The following CFAP58 variants were observed in gnomAD, a reference collection of about 807,000 sequenced individuals.
CFAP58 encodes cilia and flagella associated protein 58, also known as cilia- and flagella-associated protein 58.
Under a neutral mutation model 119.5 loss-of-function variants are expected in CFAP58, and 88 were observed. The observed-to-expected ratio is 0.74, with a 90% confidence interval of 0.62 to 0.88. The LOEUF (loss-of-function observed/expected upper bound fraction) is 0.88, where lower values mean the gene tolerates loss of function less well. Among genes scored for constraint, CFAP58 ranks in the 40% least tolerant of loss-of-function variants. The pLI is 0.00. For missense variants in CFAP58, 990 were observed against 1,021.2 expected (o/e 0.97, Z 0.42); for synonymous variants, 365 against 366.3 (o/e 1.00, Z 0.04).
intron 15 of CFAP58, among the ~76,000 whole-genome samples, chr10:104,446,408 T>C (rs938981410): frequency 5.9e-5 from 9 of 152,256 alleles, no homozygotes; most frequent in African/African-American, 1.7e-4. Context: ...AATAGAGCTA[T>C]GTTTTTGTAA....
chr10:104,438,202 ACACACATTAT>A (rs2012965687), intron 15 of CFAP58, among the ~76,000 whole-genome samples: 1 of 152,190 alleles, frequency 6.6e-6, no homozygotes, highest in South Asian at 2.1e-4. Context: ...GCTTAAAACA[ACACACATTAT>A]CTCATAACTT....
intron 15 of CFAP58, among the ~76,000 whole-genome samples, chr10:104,442,951 C>G (rs2013062146): frequency 6.6e-6 from 1 of 152,210 alleles, no homozygotes; most frequent in South Asian, 2.1e-4. Flanking sequence ...ACAAATATAT[C>G]TGTACCTGTA....
intron 11 of CFAP58, among the ~76,000 whole-genome samples, chr10:104,397,751 C>T (rs1251393624): frequency 1.3e-5 from 2 of 152,184 alleles, no homozygotes; most frequent in Non-Finnish European, 2.9e-5. Flanking sequence ...AGAGCTCTTC[C>T]TCCACATTTG....
rs1223980890 is a variant in CFAP58 at position 104,403,874 on chromosome 10, A to T, written c.2151+34A>T. On this transcript the variant is annotated intron_variant, in intron 14 of 17. Coordinates refer to ENST00000369704, the MANE Select transcript of CFAP58 (RefSeq NM_001008723.2). ...TGGCAGCGTGTTCTCCCCATCCCCAAATCTCTCCTCCTATCCCACGCGAAG... is the reference window on the plus strand; with the variant it reads ...TGGCAGCGTGTTCTCCCCATCCCCATATCTCTCCTCCTATCCCACGCGAAG... The T allele has an allele frequency of 1.7e-5, 24 of 1,373,232 alleles. No homozygotes were observed. The Admixed American group carries it at 4.4e-4, about 25-fold the overall frequency. 85.1% of individuals were successfully genotyped at this position (1,373,232 alleles called of 1,614,324 possible).
chr10:104,396,821 C>A (rs2012172474), intron 11 of CFAP58, among the ~76,000 whole-genome samples: 1 of 152,206 alleles, frequency 6.6e-6, no homozygotes, highest in Non-Finnish European at 1.5e-5. Flanking sequence ...TTGTTGCCAT[C>A]CTTCCTGGGT....
intron 17 of CFAP58, among the ~76,000 whole-genome samples, chr10:104,452,591 G>A (rs867445854): frequency 1.3e-5 from 2 of 152,214 alleles, no homozygotes; most frequent in East Asian, 1.9e-4. Context: ...AGCCCTTCTT[G>A]ATGGGTCCAT....
Position 104,454,580 on chromosome 10 carries a change from G to T in CFAP58, c.*50G>T. ...TTGAACAACTCATGAAATCTGCTCT[G>T]GGACATTTTGGGGGAATCTCAAAGT... On this transcript the variant is annotated 3_prime_UTR_variant, in exon 18 of 18. Transcript: ENST00000369704. 1.5e-6 allele frequency: 2 copies of T among 1,333,224 alleles called. No individual in the cohort carries two copies. The highest frequency in any genetic ancestry group is 2.2e-6 in the Non-Finnish European group (2 of 926,806). The allele number at this position is 1,333,224 out of a possible 1,614,324, so 82.6% of individuals were successfully genotyped here. A position where few individuals can be genotyped will look rare whatever the true frequency, so the allele number is the denominator to read the frequency against.
At chr10:104,353,964 C>T (rs2135237491) in intron 1 of CFAP58, 58 bp downstream of exon 1, 4 of 1,591,194 alleles carry the variant, frequency 2.5e-6, no homozygotes, top group East Asian at 4.5e-5. Context: ...TTGTCCCTCT[C>T]CTACTGACGA....
intron 3 of CFAP58, among the ~76,000 whole-genome samples, chr10:104,362,502 C>T (rs2014683557): frequency 6.6e-6 from 1 of 152,166 alleles, no homozygotes; most frequent in Non-Finnish European, 1.5e-5. Flanking sequence ...GCTTCTCCCA[C>T]CTACTCCCCA....
At chr10:104,354,446 G>A (rs562479410) in intron 1 of CFAP58, among the ~76,000 whole-genome samples, 1 of 151,846 alleles carries the variant, frequency 6.6e-6, no homozygotes, top group East Asian at 1.9e-4. Context: ...TTAACATCTC[G>A]TATCACCCCA....
At chr10:104,358,233 A>G (rs17116960) in intron 1 of CFAP58, 108 bp from the exon 2 acceptor site, 1 of 1,143,832 alleles carries the variant, frequency 8.7e-7, no homozygotes, top group African/African-American at 1.6e-5. Flanking sequence ...AGTGGTTTTA[A>G]TTTTGCTCAT....
chr10:104,353,946 C>T (rs774389604), intron 1 of CFAP58, 40 bp downstream of exon 1: 5 of 1,609,870 alleles, frequency 3.1e-6, no homozygotes, highest in Non-Finnish European at 4.2e-6. Flanking sequence ...TCCCTTGACC[C>T]CTCCCCATTG....
the CFAP58 span, among the ~76,000 whole-genome samples, chr10:104,339,687 C>T: frequency 1.3e-5 from 2 of 152,230 alleles, no homozygotes; most frequent in Admixed American, 1.3e-4. Context: ...TAAAAATAGA[C>T]TCCCTGGCCC....
At chr10:104,347,289 C>T in the CFAP58 span, among the ~76,000 whole-genome samples, 38,316 of 151,854 alleles carry the variant, frequency 0.25, 5,117 homozygotes, top group Middle Eastern at 0.3. Flanking sequence ...TCAGGTGTCA[C>T]GAGGGGAGTT....
chr10:104,447,830 C>A lies in CFAP58; in HGVS notation c.2376+13C>A, dbSNP rs762876509. The A allele has an allele frequency of 2.5e-6, 4 of 1,599,848 alleles. No homozygotes were observed. The highest frequency in any genetic ancestry group is 3.4e-6 in the Non-Finnish European group (4 of 1,171,248). The stretch of plus-strand genomic sequence containing the variant: ...GCAGCAGCTGAAAGTAAGTGGTAGC[C>A]CCTGTTCCTTCCGGGTTCCAGGGCA... On this transcript the variant is annotated intron_variant, in intron 16 of 17. Transcript: ENST00000369704.
At position 104,376,852 on chromosome 10, in the gene CFAP58, G is replaced by GT; in HGVS notation, c.1132_1133insT (p.Ala378ValfsTer14). 1 of 1,613,646 alleles carries GT rather than the reference G, an allele frequency of 6.2e-7. No individual in the cohort carries two copies. The highest frequency in any genetic ancestry group is 8.5e-7 in the Non-Finnish European group (1 of 1,179,812). On this transcript the variant is annotated frameshift_variant, in exon 8 of 18. Coordinates refer to ENST00000369704, the MANE Select transcript of CFAP58 (RefSeq NM_001008723.2). LOFTEE classifies it high-confidence loss of function. ...GAAACAAGCAGAACTTGACAGAAAG[G>GT]CAATGGACGAGCTTCTAAGAGAAAG...
intron 17 of CFAP58, among the ~76,000 whole-genome samples, chr10:104,452,661 T>C (rs1210919860): frequency 6.6e-6 from 1 of 152,230 alleles, no homozygotes; most frequent in Non-Finnish European, 1.5e-5. Context: ...TTAAACAAAT[T>C]ACTGTGAAAT....
In CFAP58 at chr10:104,357,918, TATGTACACATATAC is replaced by T. The variant is rs1564875930; in HGVS notation, c.10-421_10-408del. 5.5e-4 allele frequency among the ~76,000 whole-genome samples: 65 copies of T among 118,538 alleles called. 3 individuals carry two copies. The highest frequency in any genetic ancestry group is 4.7e-3 in the East Asian group (22 of 4,702). The allele number at this position is 118,538 out of a possible 152,430, so 77.8% of individuals were successfully genotyped here. On this transcript the variant is annotated intron_variant, in intron 1 of 17. Transcript: ENST00000369704. Reference sequence around the variant, plus strand: ...ATATATGTACACATATACACACATATATGTACACATATACACACATATATGTACACATATATACA... The same window carrying T: ...ATATATGTACACATATACACACATATACACATATATGTACACATATATACA...
chr10:104,422,309 C>A (rs1285725841), intron 15 of CFAP58, among the ~76,000 whole-genome samples: 1 of 152,106 alleles, frequency 6.6e-6, no homozygotes, highest in East Asian at 1.9e-4. Flanking sequence ...TTGCATAGAC[C>A]CATCCATTCT....
Sources: gnomAD v4.1 joint callset for allele counts (sites outside exome capture counted in the v4.1 genomes callset) on GRCh38, gnomAD v4.1.1 for gene constraint, MANE v1.5 for transcripts, NCBI Gene and HGNC (gene_info 2026-07-23, HGNC 2026-07-21) for gene names.